Variants in NICOL1 observed in about 807,000 individuals in gnomAD.
NICOL1 encodes the protein NELL2 interacting cell ontogeny regulator 1.
chr4:2,038,420 T>A, the NICOL1 span, among the ~76,000 whole-genome samples: 2 of 151,566 alleles, frequency 1.3e-5, no homozygotes, highest in South Asian at 2.1e-4. Context: ...CCCAACTAGA[T>A]GGGATTACAG....
chr4:2,043,441 GC>G, the NICOL1 span, among the ~76,000 whole-genome samples: 14 of 152,178 alleles, frequency 9.2e-5, no homozygotes, highest in Non-Finnish European at 1.6e-4. Flanking sequence ...CCCCCCACCA[GC>G]CCTAGTGTCC....
chr4:2,042,110 A>G, the NICOL1 span: 4 of 1,483,560 alleles, frequency 2.7e-6, no homozygotes, highest in Non-Finnish European at 3.6e-6. Flanking sequence ...CGTTTTCTAG[A>G]TACGGGGCGC....
the NICOL1 span, among the ~76,000 whole-genome samples, chr4:2,041,399 CG>C: frequency 1.3e-5 from 2 of 152,146 alleles, no homozygotes; most frequent in African/African-American, 4.8e-5. Context: ...GACCTGTGGT[CG>C]GGGCTCCGCG....
At chr4:2,042,830 C>A in the NICOL1 span, 4 of 1,477,356 alleles carry the variant, frequency 2.7e-6, no homozygotes, top group East Asian at 2.8e-5. Context: ...CGCGGGTGAG[C>A]GCCCGCGGCG....
the NICOL1 span, among the ~76,000 whole-genome samples, chr4:2,040,883 G>A: frequency 8.0e-6 from 1 of 124,914 alleles, no homozygotes; most frequent in South Asian, 2.8e-4. Context: ...ACCCGCGTCC[G>A]GCCGGGGCAG....
the NICOL1 span, among the ~76,000 whole-genome samples, chr4:2,040,557 C>G: frequency 6.6e-6 from 1 of 152,186 alleles, no homozygotes; most frequent in Admixed American, 6.5e-5. Context: ...GGCTACCCCT[C>G]TACGGCTCCC....
the NICOL1 span, chr4:2,042,326 GGGCGGCCCCGCTCCCTCTGCTGGCCAT>G: frequency 1.7e-6 from 1 of 595,506 alleles, no homozygotes. Flanking sequence ...GCTGGCTTCA[GGGCGGCCCCGCTCCCTCTGCTGGCCAT>G]GGCCCCCCCG....
At chr4:2,042,393 GC>G in the NICOL1 span, 1 of 504,890 alleles carries the variant, frequency 2.0e-6, no homozygotes, top group Non-Finnish European at 3.5e-6. Context: ...TGTCACCGCC[GC>G]CGCCGCCGCT....
chr4:2,042,919 C>G, the NICOL1 span: 155 of 792,704 alleles, frequency 2.0e-4, no homozygotes, highest in African/African-American at 2.6e-3. Context: ...AGTGGAGTGT[C>G]CCTCATCCTT....
At chr4:2,040,467 G>A in the NICOL1 span, among the ~76,000 whole-genome samples, 1 of 152,312 alleles carries the variant, frequency 6.6e-6, no homozygotes, top group Non-Finnish European at 1.5e-5. Context: ...TGGGACCGAA[G>A]GGGAGAAGGA....
At chr4:2,042,411 G>T in the NICOL1 span, 2 of 499,974 alleles carry the variant, frequency 4.0e-6, no homozygotes, top group Non-Finnish European at 7.0e-6. Flanking sequence ...CGCTGCTGCT[G>T]CTGCTGCTGA....
the NICOL1 span, among the ~76,000 whole-genome samples, chr4:2,039,899 A>T: frequency 1.3e-5 from 2 of 152,152 alleles, no homozygotes; most frequent in African/African-American, 2.4e-5. Flanking sequence ...TGCACCAAAA[A>T]GATGTGTTTT....
chr4:2,041,871 C>T, the NICOL1 span: 4 of 1,077,460 alleles, frequency 3.7e-6, no homozygotes, highest in South Asian at 6.2e-5. Context: ...AGCCCCCGGC[C>T]AGGGCCAGGC....
chr4:2,042,436 G>C, the NICOL1 span: 1 of 452,968 alleles, frequency 2.2e-6, no homozygotes, highest in East Asian at 3.7e-5. Context: ...GGCGCTGCTG[G>C]GCGCCCGGGC....
the NICOL1 span, chr4:2,042,236 G>A: frequency 7.6e-7 from 1 of 1,311,938 alleles, no homozygotes; most frequent in South Asian, 1.8e-5. Context: ...CCTGGGGCTT[G>A]GACAAGGGTC....
the NICOL1 span, chr4:2,042,084 C>G: frequency 6.8e-7 from 1 of 1,481,364 alleles, no homozygotes; most frequent in East Asian, 2.9e-5. Context: ...GGCGGTGGTG[C>G]GGGCGTCCGA....
chr4:2,042,401 CGCTGCT>C, the NICOL1 span: 1 of 426,512 alleles, frequency 2.3e-6, no homozygotes, highest in Non-Finnish European at 4.2e-6. Flanking sequence ...CCGCCGCCGC[CGCTGCT>C]GCTGCTGCTG....
At chr4:2,042,269 G>GT in the NICOL1 span, 1 of 1,027,460 alleles carries the variant, frequency 9.7e-7, no homozygotes, top group Non-Finnish European at 1.3e-6. Flanking sequence ...GGAGGGGACG[G>GT]GGGCTCACCG....
the NICOL1 span, among the ~76,000 whole-genome samples, chr4:2,041,175 C>A: frequency 6.6e-6 from 1 of 150,396 alleles, no homozygotes; most frequent in African/African-American, 2.5e-5. Flanking sequence ...GGCGCCAGCA[C>A]CCACGTGCGC....
Sources: gnomAD v4.1 joint callset for allele counts (sites outside exome capture counted in the v4.1 genomes callset) on GRCh38, gnomAD v4.1.1 for gene constraint, MANE v1.5 for transcripts, NCBI Gene and HGNC (gene_info 2026-07-23, HGNC 2026-07-21) for gene names.